The following NPFFR2 variants were observed in gnomAD, a reference collection of about 807,000 sequenced individuals.
NPFFR2 encodes the protein G-protein coupled receptor 74.
NPFFR2 carries 15 observed loss-of-function variants against 13.1 expected under a neutral mutation model. The ratio of observed to expected loss-of-function variants is 1.15; its 90% CI spans 0.77 to 1.76. The LOEUF is 1.76. NPFFR2 is among the 40% of genes most tolerant of loss of function. The pLI is 0.00. For synonymous variants in NPFFR2, 190 were observed against 175.7 expected (o/e 1.08, Z -0.65); for missense variants, 572 against 503.5 (o/e 1.14, Z -1.30).
intron 2 of NPFFR2, among the ~76,000 whole-genome samples, chr4:72,137,353 G>A (rs1345759692): frequency 6.6e-6 from 1 of 152,104 alleles, no homozygotes; most frequent in Non-Finnish European, 1.5e-5. Context: ...TAGCAGATGG[G>A]TGTTTAGAAT....
chr4:72,147,805 A>C lies in NPFFR2; in HGVS notation c.1256A>C (p.Glu419Ala), dbSNP rs996677167. ...TTAAAAGAAACTACTAACAGCAGTG[A>C]GATTTAAAAAGAGCTAGTGTGATAA... ...EELKETTNSS[E>A]I is the part of the protein sequence containing the mutation. The change falls in exon 4 of 4, where the codon GAG becomes GCG. Residue 419 changes from glutamate to alanine, a missense_variant. Glu to Ala is a moderately radical substitution (Grantham distance 107, BLOSUM62 -1). Coordinates refer to ENST00000308744, the MANE Select transcript of NPFFR2 (RefSeq NM_004885.3). 2 of 1,555,586 alleles carry C rather than the reference A, an allele frequency of 1.3e-6. No individual in the cohort carries two copies. The highest frequency in any genetic ancestry group is 1.7e-6 in the Non-Finnish European group (2 of 1,156,452).
At chr4:72,059,048 C>T (rs780422424) in intron 1 of NPFFR2, among the ~76,000 whole-genome samples, 4 of 151,980 alleles carry the variant, frequency 2.6e-5, no homozygotes, top group Admixed American at 2.0e-4. Flanking sequence ...CTATTCTGGC[C>T]GTAGACCATT....
intron 1 of NPFFR2, among the ~76,000 whole-genome samples, chr4:72,094,041 T>C (rs1720984816): frequency 6.8e-6 from 1 of 146,020 alleles, no homozygotes. Flanking sequence ...GATTTGGTGC[T>C]CTCCCCCTTT....
At chr4:72,039,266 A>T in intron 1 of NPFFR2, 1 of 203,178 alleles carries the variant, frequency 4.9e-6, no homozygotes, top group Non-Finnish European at 8.7e-6. Context: ...TCACTGTGTT[A>T]GCCAGATGGT....
chr4:72,060,657 A>G (rs1410318638), intron 1 of NPFFR2, among the ~76,000 whole-genome samples: 2 of 152,172 alleles, frequency 1.3e-5, no homozygotes, highest in East Asian at 1.9e-4. Context: ...GGGGAAAACA[A>G]CATATGTAAG....
chr4:72,065,016 A>T (rs375758471), intron 1 of NPFFR2, among the ~76,000 whole-genome samples: 5 of 152,230 alleles, frequency 3.3e-5, no homozygotes, highest in African/African-American at 9.6e-5. Flanking sequence ...ACAGAGCACA[A>T]TATCAATGCA....
rs1722814662 is a variant in NPFFR2, at chr4:72,147,276, GGAATTT to G, written c.728_733del (p.Gly243_Ser245delinsAla). On this transcript the variant is annotated inframe_deletion, in exon 4 of 4. Coordinates refer to ENST00000308744, the MANE Select transcript of NPFFR2 (RefSeq NM_004885.3). ...CATTGTCATCATGTATGGAAGGATT[GGAATTT>G]CACTCTTCAGGGCTGCAGTTCCTCA... 6.2e-7 allele frequency: 1 copy of G among 1,614,002 alleles called. No individual in the cohort carries two copies.
At chr4:72,128,275 G>A (rs73824746) in intron 1 of NPFFR2, among the ~76,000 whole-genome samples, 2,379 of 152,238 alleles carry the variant, frequency 0.016, 66 homozygotes, top group African/African-American at 0.054. Context: ...GGGAAGGAGA[G>A]TTTTGGAAGG....
chr4:72,064,380 GGCCACCCTCAGTTCCCT>G (rs1720007900), intron 1 of NPFFR2, among the ~76,000 whole-genome samples: 1 of 152,170 alleles, frequency 6.6e-6, no homozygotes, highest in African/African-American at 2.4e-5. Flanking sequence ...ATTGGCCTGA[GGCCACCCTCAGTTCCCT>G]GCCACCCTCC....
chr4:72,089,222 A>G (rs533383482), intron 1 of NPFFR2, among the ~76,000 whole-genome samples: 8 of 152,022 alleles, frequency 5.3e-5, no homozygotes, highest in South Asian at 4.1e-4. Context: ...TCTTTATCCA[A>G]TTGTTGATTG....
intron 1 of NPFFR2, among the ~76,000 whole-genome samples, chr4:72,051,099 A>C (rs1313709866): frequency 6.6e-6 from 1 of 151,954 alleles, no homozygotes; most frequent in East Asian, 1.9e-4. Context: ...TTATAGCAGC[A>C]TGATTTATAG....
At chr4:72,136,780 G>A (rs1311623796) in intron 2 of NPFFR2, among the ~76,000 whole-genome samples, 1 of 152,172 alleles carries the variant, frequency 6.6e-6, no homozygotes, top group Non-Finnish European at 1.5e-5. Context: ...TGCCTCCTCA[G>A]AGAGTAAACC....
intron 1 of NPFFR2, among the ~76,000 whole-genome samples, chr4:72,098,941 C>T (rs1721148910): frequency 6.6e-6 from 1 of 152,182 alleles, no homozygotes; most frequent in Non-Finnish European, 1.5e-5. Context: ...TTCTTCCTGT[C>T]TGCCTAGGAG....
At chr4:72,060,705 G>C (rs1285654491) in intron 1 of NPFFR2, among the ~76,000 whole-genome samples, 1 of 152,050 alleles carries the variant, frequency 6.6e-6, no homozygotes, top group African/African-American at 2.4e-5. Context: ...CCCCGAGCTT[G>C]TCATTCTTAT....
intron 1 of NPFFR2, among the ~76,000 whole-genome samples, chr4:72,123,709 A>G (rs540441413): frequency 1.3e-5 from 2 of 152,348 alleles, no homozygotes; most frequent in South Asian, 4.1e-4. Context: ...GACAAAATTC[A>G]ACAGCCCTTC....
At chr4:72,109,060 C>G (rs942778647) in intron 1 of NPFFR2, among the ~76,000 whole-genome samples, 1 of 151,948 alleles carries the variant, frequency 6.6e-6, no homozygotes, top group Non-Finnish European at 1.5e-5. Context: ...TTTGACACAC[C>G]ATACATTAGT....
intron 1 of NPFFR2, among the ~76,000 whole-genome samples, chr4:72,052,734 A>G (rs1341338705): frequency 6.6e-6 from 1 of 152,000 alleles, no homozygotes; most frequent in Non-Finnish European, 1.5e-5. Flanking sequence ...GAGATTAACT[A>G]AGAGTCTGGC....
intron 1 of NPFFR2, chr4:72,039,263 G>T (rs1249900993): frequency 1.0e-5 from 2 of 200,212 alleles, no homozygotes; most frequent in African/African-American, 4.7e-5. Context: ...GTTTCACTGT[G>T]TTAGCCAGAT....
intron 1 of NPFFR2, among the ~76,000 whole-genome samples, chr4:72,084,141 A>G (rs1157185500): frequency 6.6e-6 from 1 of 152,180 alleles, no homozygotes; most frequent in African/African-American, 2.4e-5. Context: ...ACCATTCTAT[A>G]TAACAATCAG....
Sources: allele counts gnomAD v4.1 joint callset (sites outside exome capture counted in the v4.1 genomes callset), GRCh38; gene constraint gnomAD v4.1.1; transcripts MANE v1.5; gene names NCBI Gene and HGNC (gene_info 2026-07-23, HGNC 2026-07-21).